The following MIB1 variants were observed in gnomAD, a reference collection of about 807,000 sequenced individuals.
MIB1 encodes the protein MIB E3 ubiquitin protein ligase 1, also known as E3 ubiquitin-protein ligase MIB1.
In MIB1, 278 loss-of-function variants were observed where a neutral mutation model predicts 124.5. That is an observed-to-expected ratio of 2.23 (90% CI 2.02 to 2.47). The LOEUF (loss-of-function observed/expected upper bound fraction) is 2.47, where lower values mean the gene tolerates loss of function less well. Ranked by LOEUF, MIB1 falls within the 30% of genes most tolerant of loss-of-function variation. The probability of loss-of-function intolerance (pLI) is 0.00; values close to 1 mark genes in which losing one functional copy is unlikely to be tolerated. For missense variants in MIB1, 957 were observed against 1,254.4 expected, an observed-to-expected ratio of 0.76 and a Z score of 3.58; for synonymous variants, 446 against 429.4, an observed-to-expected ratio of 1.04 and a Z score of -0.48.
At chr18:21,761,505 C>T (rs910283379) in intron 1 of MIB1, among the ~76,000 whole-genome samples, 1 of 152,050 alleles carries the variant, frequency 6.6e-6, no homozygotes, top group Non-Finnish European at 1.5e-5. Flanking sequence ...AGAGGCATGC[C>T]GGATGTTATT....
intron 12 of MIB1, chr18:21,828,807 T>C (rs1385823417): frequency 5.3e-6 from 1 of 189,846 alleles, no homozygotes; most frequent in Non-Finnish European, 1.1e-5. Context: ...CTTCACTGGA[T>C]CTTCTTTTCC....
At chr18:21,820,417 CT>C (rs2146480071) in intron 12 of MIB1, among the ~76,000 whole-genome samples, 1 of 152,052 alleles carries the variant, frequency 6.6e-6, no homozygotes, top group South Asian at 2.1e-4. Flanking sequence ...TCTTTGGTTC[CT>C]TATTGTATTT....
intron 12 of MIB1, chr18:21,828,184 A>G (rs776927032): frequency 4.6e-5 from 7 of 151,978 alleles, no homozygotes; most frequent in Non-Finnish European, 7.4e-5. Flanking sequence ...GTTCTTGACT[A>G]TAGTGCTTTC....
intron 1 of MIB1, among the ~76,000 whole-genome samples, chr18:21,724,656 GATT>G (rs2146360170): frequency 7.4e-6 from 1 of 135,534 alleles, no homozygotes; most frequent in African/African-American, 2.8e-5. Context: ...AGTGAGCTGA[GATT>G]ATGCCACTGC....
At chr18:21,714,774 C>G (rs1453146989) in intron 1 of MIB1, among the ~76,000 whole-genome samples, 3 of 152,156 alleles carry the variant, frequency 2.0e-5, no homozygotes, top group African/African-American at 7.2e-5. Flanking sequence ...TGTGAGGCTG[C>G]TCATATTGAA....
intron 1 of MIB1, among the ~76,000 whole-genome samples, chr18:21,733,400 C>A (rs908303484): frequency 6.6e-6 from 1 of 152,162 alleles, no homozygotes; most frequent in Non-Finnish European, 1.5e-5. Context: ...GAGCTGGCTA[C>A]CGGCGTGTGT....
chr18:21,843,351 TCTAAATAC>T, intron 14 of MIB1, 134 bp downstream of exon 14: 1 of 555,830 alleles, frequency 1.8e-6, no homozygotes, highest in Non-Finnish European at 3.0e-6. Flanking sequence ...AATCTAAATA[TCTAAATAC>T]AATGTGATCT....
intron 20 of MIB1, among the ~76,000 whole-genome samples, chr18:21,863,076 G>A (rs2042290254): frequency 6.6e-6 from 1 of 152,226 alleles, no homozygotes; most frequent in South Asian, 2.1e-4. Flanking sequence ...TCATACTTGC[G>A]ACAGAGGTGC....
At chr18:21,713,708 A>C (rs1478789608) in intron 1 of MIB1, among the ~76,000 whole-genome samples, 1 of 151,200 alleles carries the variant, frequency 6.6e-6, no homozygotes, top group Non-Finnish European at 1.5e-5. Flanking sequence ...TGGCCTCCCA[A>C]AATGCTAGGA....
intron 12 of MIB1, among the ~76,000 whole-genome samples, chr18:21,823,545 G>A (rs943702244): frequency 1.3e-5 from 2 of 152,152 alleles, no homozygotes; most frequent in African/African-American, 4.8e-5. Flanking sequence ...ATCAATATGA[G>A]TCTAGATTTC....
intron 10 of MIB1, among the ~76,000 whole-genome samples, chr18:21,809,406 T>G (rs897985794): frequency 6.6e-6 from 1 of 152,020 alleles, no homozygotes; most frequent in Non-Finnish European, 1.5e-5. Flanking sequence ...CCTAACTCAT[T>G]CTAAAAAGCC....
chr18:21,797,529 C>A (rs1157611929), intron 7 of MIB1, among the ~76,000 whole-genome samples: 1 of 151,146 alleles, frequency 6.6e-6, no homozygotes, highest in Non-Finnish European at 1.5e-5. Context: ...GAATTTTCAA[C>A]GAAGAAGAGT....
rs2040850022 is a variant in MIB1, at chr18:21,741,498, G to C, written c.-86G>C. On this transcript the variant is annotated 5_prime_UTR_variant, in exon 1 of 21. Transcript: ENST00000261537. The surrounding 1 kb of genome is among the most constrained non-coding windows in gnomAD (Gnocchi z 5.4). ...CCGCCCCCGCCGACGCCTAGAGTCC[G>C]GCCCGGGCCCAACTCCCTCACGGGC... 6.2e-6 allele frequency: 6 copies of C among 964,364 alleles called. No individual in the cohort carries two copies. In the South Asian group the frequency reaches 2.2e-4, roughly 35 times the overall value. 59.7% of individuals were successfully genotyped at this position (964,364 alleles called of 1,614,324 possible).
chr18:21,864,201 C>T (rs1365797358), intron 20 of MIB1, among the ~76,000 whole-genome samples: 1 of 152,066 alleles, frequency 6.6e-6, no homozygotes, highest in African/African-American at 2.4e-5. Context: ...ATCTCTGCTG[C>T]CCGCGTTCAA....
At chr18:21,835,569 C>T (rs796984914) in intron 12 of MIB1, among the ~76,000 whole-genome samples, 5 of 151,532 alleles carry the variant, frequency 3.3e-5, no homozygotes, top group East Asian at 3.9e-4. Flanking sequence ...AGTTCAAGAC[C>T]GGCCTGGCCA....
intron 20 of MIB1, among the ~76,000 whole-genome samples, chr18:21,861,909 C>CT (rs199832209): frequency 0.019 from 2,788 of 148,384 alleles, 77 homozygotes; most frequent in African/African-American, 0.061. Context: ...TTTTGCTTTT[C>CT]TTTTTTTTTT....
chr18:21,725,679 G>C (rs1186370583), intron 1 of MIB1, among the ~76,000 whole-genome samples: 1 of 152,086 alleles, frequency 6.6e-6, no homozygotes, highest in Non-Finnish European at 1.5e-5. Context: ...GTAAATAAAA[G>C]CTTCCTCTTC....
intron 1 of MIB1, among the ~76,000 whole-genome samples, chr18:21,710,262 A>G (rs2040659886): frequency 6.6e-6 from 1 of 151,934 alleles, no homozygotes; most frequent in East Asian, 1.9e-4. Flanking sequence ...CGCCCAGCTA[A>G]TTTTTGTATT....
chr18:21,861,691 ACT>A (rs921991842), intron 20 of MIB1, among the ~76,000 whole-genome samples: 1 of 151,684 alleles, frequency 6.6e-6, no homozygotes, highest in African/African-American at 2.4e-5. Context: ...CATTCGAATA[ACT>A]CTGCTCATTT....
Sources: allele counts gnomAD v4.1 joint callset (sites outside exome capture counted in the v4.1 genomes callset), GRCh38; gene constraint gnomAD v4.1.1; non-coding constraint Gnocchi (gnomAD v3.1); transcripts MANE v1.5; gene names NCBI Gene and HGNC (gene_info 2026-07-23, HGNC 2026-07-21).